The following TRIM71 variants were observed in gnomAD, a reference collection of about 807,000 sequenced individuals.
TRIM71 encodes the protein tripartite motif containing 71.
In TRIM71, 9 loss-of-function variants were observed where a neutral mutation model predicts 61.2. That is an observed-to-expected ratio of 0.15 (90% CI 0.09 to 0.26). The LOEUF (loss-of-function observed/expected upper bound fraction) is 0.26, where lower values mean the gene tolerates loss of function less well. TRIM71 is among the 10% of genes least tolerant of loss of function. TRIM71 has a pLI of 1.00. For synonymous variants in TRIM71, 645 were observed against 553.2 expected, an observed-to-expected ratio of 1.17 and a Z score of -2.33; for missense variants, 998 against 1,238.7, an observed-to-expected ratio of 0.81 and a Z score of 2.92.
At chr3:32,831,476 G>T (rs946863692) in intron 1 of TRIM71, among the ~76,000 whole-genome samples, 2 of 151,072 alleles carry the variant, frequency 1.3e-5, no homozygotes, top group African/African-American at 2.4e-5. Flanking sequence ...AACTTTTCCT[G>T]CAAGTTGCAG....
intron 1 of TRIM71, among the ~76,000 whole-genome samples, chr3:32,824,877 C>T (rs775135177): frequency 6.6e-6 from 1 of 152,148 alleles, no homozygotes. Flanking sequence ...TCACTGCAAC[C>T]TCCGCCTCCC....
In TRIM71 at chr3:32,891,925, TTTC is replaced by T. The variant is rs1364181628; in HGVS notation, c.*117_*119del. On this transcript the variant is annotated 3_prime_UTR_variant, in exon 4 of 4. Transcript: ENST00000383763. The surrounding 1 kb of genome is among the most constrained non-coding windows in gnomAD (Gnocchi z 8.2). ...CAAAGAAGAAACAGTCTCAGGGAAA[TTTC>T]TTTTTTCTTTTTTTTTTTTAAAGAG... The T allele has an allele frequency of 4.3e-6, 6 of 1,400,674 alleles. No individual in the cohort carries two copies. In the East Asian group the frequency reaches 7.6e-5, roughly 18 times the overall value. 86.8% of individuals were successfully genotyped at this position (1,400,674 alleles called of 1,614,324 possible).
intron 1 of TRIM71, among the ~76,000 whole-genome samples, chr3:32,844,509 G>C (rs1696448948): frequency 1.3e-5 from 2 of 152,116 alleles, no homozygotes; most frequent in South Asian, 4.1e-4. Context: ...CAATCCTTCT[G>C]CCTCAGCCTC....
intron 2 of TRIM71, 56 bp downstream of exon 2, chr3:32,874,041 C>T (rs550641895): frequency 5.9e-6 from 9 of 1,527,172 alleles, no homozygotes; most frequent in Admixed American, 5.5e-5. Context: ...CCCTTTCTGT[C>T]GGGTGGCATG....
intron 1 of TRIM71, among the ~76,000 whole-genome samples, chr3:32,826,975 A>G (rs980717049): frequency 3.3e-5 from 5 of 151,444 alleles, no homozygotes; most frequent in African/African-American, 1.2e-4. Context: ...TGTGTTAGCC[A>G]GGATGGTCTT....
intron 1 of TRIM71, among the ~76,000 whole-genome samples, chr3:32,821,936 A>G (rs1345617139): frequency 2.0e-5 from 3 of 151,952 alleles, no homozygotes. Flanking sequence ...CTGGTCATGG[A>G]GTAGGGTCTT....
At chr3:32,830,418 G>A (rs1440143579) in intron 1 of TRIM71, among the ~76,000 whole-genome samples, 2 of 152,136 alleles carry the variant, frequency 1.3e-5, no homozygotes, top group Non-Finnish European at 2.9e-5. Flanking sequence ...TAGCAAGGGA[G>A]AAAGCTTTGA....
chr3:32,857,653 T>G, intron 1 of TRIM71, among the ~76,000 whole-genome samples: 1 of 152,126 alleles, frequency 6.6e-6, no homozygotes, highest in Non-Finnish European at 1.5e-5. Context: ...TTCAATAAAG[T>G]AAGATAGAAA....
Position 32,876,382 on chromosome 3 carries a change from G to A in TRIM71, c.1020+2397G>A, listed in dbSNP as rs375222755. On this transcript the variant is annotated intron_variant, in intron 2 of 3. Transcript: ENST00000383763. ...GTAGATCACCTGAGGTCAGGAGTTC[G>A]AGACCAGCCTGGCCAACATGGTGAA... Among the ~76,000 whole-genome samples, 47 of 152,176 alleles carry A rather than the reference G, an allele frequency of 3.1e-4. 1 individual carries two copies. In the East Asian group the frequency reaches 7.5e-3, roughly 24 times the overall value.
At chr3:32,880,954 C>T (rs1177606192) in intron 2 of TRIM71, among the ~76,000 whole-genome samples, 1 of 151,970 alleles carries the variant, frequency 6.6e-6, no homozygotes, top group Admixed American at 6.6e-5. Flanking sequence ...AAGGAAGAAA[C>T]CCACGGACAA....
At chr3:32,882,269 T>G (rs1410570997) in intron 2 of TRIM71, among the ~76,000 whole-genome samples, 1 of 152,110 alleles carries the variant, frequency 6.6e-6, no homozygotes, top group Admixed American at 6.5e-5. Context: ...GAAAGCAGTT[T>G]GCCACCTCTG....
chr3:32,827,356 T>C (rs1236929867), intron 1 of TRIM71, among the ~76,000 whole-genome samples: 1 of 144,994 alleles, frequency 6.9e-6, no homozygotes, highest in Non-Finnish European at 1.5e-5. Flanking sequence ...TTCTGCCTCC[T>C]GGGTTCAAGC....
rs999488180 is a variant in TRIM71, at chr3:32,897,669, G to A, written c.*5858G>A. ...CTAACAGGCTTCTGAATGTATCACT[G>A]TGGTCCACAGAGAAGGCTGGAGGAG... On this transcript the variant is annotated 3_prime_UTR_variant, in exon 4 of 4. Transcript: ENST00000383763. 1 of 152,224 alleles carries A rather than the reference G, an allele frequency of 6.6e-6. No individual in the cohort carries two copies. The highest frequency in any genetic ancestry group is 2.4e-5 in the African/African-American group (1 of 41,454). The allele number at this position is 152,224 out of a possible 1,614,324, so 9.4% of individuals were successfully genotyped here.
intron 2 of TRIM71, among the ~76,000 whole-genome samples, chr3:32,879,909 C>T (rs778548777): frequency 2.0e-5 from 3 of 151,462 alleles, no homozygotes; most frequent in Non-Finnish European, 2.9e-5. Context: ...TGCAGTGAGC[C>T]AAGATTACAC....
At chr3:32,823,853 C>T (rs1223402927) in intron 1 of TRIM71, among the ~76,000 whole-genome samples, 1 of 152,010 alleles carries the variant, frequency 6.6e-6, no homozygotes, top group East Asian at 1.9e-4. Flanking sequence ...GCGGGCGGAT[C>T]ACGAGGTCAA....
At chr3:32,860,493 G>T (rs912866035) in intron 1 of TRIM71, among the ~76,000 whole-genome samples, 1 of 150,602 alleles carries the variant, frequency 6.6e-6, no homozygotes, top group Non-Finnish European at 1.5e-5. Context: ...TAAATTTGAG[G>T]TATTTTGCCT....
intron 1 of TRIM71, among the ~76,000 whole-genome samples, chr3:32,866,133 C>T (rs7373787): frequency 0.3 from 45,368 of 151,192 alleles, 6,980 homozygotes; most frequent in Admixed American, 0.34. Flanking sequence ...ACATGACTTA[C>T]TTTTAAAACA....
At chr3:32,878,832 C>A (rs1696877061) in intron 2 of TRIM71, among the ~76,000 whole-genome samples, 2 of 152,270 alleles carry the variant, frequency 1.3e-5, no homozygotes, top group East Asian at 3.9e-4. Context: ...AGAGAGTCAG[C>A]CCGTCCATTG....
intron 1 of TRIM71, among the ~76,000 whole-genome samples, chr3:32,827,865 C>T (rs1205411942): frequency 6.6e-6 from 1 of 152,108 alleles, no homozygotes; most frequent in Non-Finnish European, 1.5e-5. Context: ...AAAGTTTGGC[C>T]AGCCATTTTC....
Sources: allele counts gnomAD v4.1 joint callset (sites outside exome capture counted in the v4.1 genomes callset), GRCh38; gene constraint gnomAD v4.1.1; non-coding constraint Gnocchi (gnomAD v3.1); transcripts MANE v1.5; gene names NCBI Gene and HGNC (gene_info 2026-07-23, HGNC 2026-07-21).